The following XCR1 variants were observed in gnomAD, a reference collection of about 807,000 sequenced individuals.
The protein encoded by XCR1 is chemokine XC receptor 1.
For missense variants in XCR1, 356 were observed against 424.2 expected (o/e 0.84, Z 1.41); for synonymous variants, 187 against 188.5 (o/e 0.99, Z 0.06).
At chr3:46,047,188 C>T (rs1329294082) in intron 5 of XCR1, among the ~76,000 whole-genome samples, 1 of 152,200 alleles carries the variant, frequency 6.6e-6, no homozygotes, top group African/African-American at 2.4e-5. Flanking sequence ...GACATCACAA[C>T]AGAAGTTATT....
chr3:46,073,331 A>T (rs1698193858), intron 3 of XCR1, among the ~76,000 whole-genome samples: 1 of 152,218 alleles, frequency 6.6e-6, no homozygotes, highest in Non-Finnish European at 1.5e-5. Flanking sequence ...GCAGTGGTTC[A>T]CATCTATAAT....
chr3:46,024,811 C>T (rs557826985), intron 1 of XCR1, among the ~76,000 whole-genome samples: 1 of 151,988 alleles, frequency 6.6e-6, no homozygotes, highest in African/African-American at 2.4e-5. Context: ...TTTGAAAATA[C>T]CAAGGAGGAA....
chr3:46,072,085 T>C (rs1056456927), intron 3 of XCR1, among the ~76,000 whole-genome samples: 1 of 152,196 alleles, frequency 6.6e-6, no homozygotes, highest in Non-Finnish European at 1.5e-5. Flanking sequence ...ATTTAATAAA[T>C]GAATTCAGTA....
At chr3:46,032,967 AATTGG>A (rs1279783403) in intron 5 of XCR1, among the ~76,000 whole-genome samples, 1 of 152,096 alleles carries the variant, frequency 6.6e-6, no homozygotes, top group Non-Finnish European at 1.5e-5. Flanking sequence ...CCATTTTCTA[AATTGG>A]ATTGTTTTCT....
intron 3 of XCR1, among the ~76,000 whole-genome samples, chr3:46,067,481 T>TTGG (rs1447129179): frequency 1.7e-4 from 26 of 152,126 alleles, no homozygotes; most frequent in Admixed American, 1.7e-3. Flanking sequence ...TTGGGCTAAA[T>TTGG]TGGGTTCCAT....
Position 46,020,897 on chromosome 3 carries a change from A to G in XCR1, c.*49T>C, listed in dbSNP as rs115932896. 6,148 of 1,577,114 alleles carry G rather than the reference A, an allele frequency of 3.9e-3. 186 individuals carry two copies. In the African/African-American group the frequency reaches 0.068, roughly 18 times the overall value. On this transcript the variant is annotated 3_prime_UTR_variant, in exon 2 of 2. Transcript: ENST00000309285. ...CCAGGCCCGCTTCTCCATGACCCCC[A>G]TTCCAGTCCCTGTCCACCTGCACCT...
At chr3:46,048,860 T>G (rs936255503) in intron 5 of XCR1, among the ~76,000 whole-genome samples, 1 of 152,174 alleles carries the variant, frequency 6.6e-6, no homozygotes, top group African/African-American at 2.4e-5. Context: ...TATACCCACT[T>G]TTTGTCTTTT....
At chr3:46,063,472 G>A (rs1698005027) in intron 4 of XCR1, among the ~76,000 whole-genome samples, 1 of 152,158 alleles carries the variant, frequency 6.6e-6, no homozygotes, top group Admixed American at 6.5e-5. Flanking sequence ...CGACCCCTGA[G>A]TTCCCCTGTC....
At chr3:46,062,718 T>C (rs1697987107) in intron 4 of XCR1, among the ~76,000 whole-genome samples, 1 of 152,212 alleles carries the variant, frequency 6.6e-6, no homozygotes, top group Non-Finnish European at 1.5e-5. Flanking sequence ...TTCTCAAGCC[T>C]AACATGGGCC....
chr3:46,022,012 G>A, intron 1 of XCR1, 34 bp from the exon 2 acceptor site: 2 of 1,534,254 alleles, frequency 1.3e-6, no homozygotes, highest in Non-Finnish European at 1.8e-6. Context: ...TTAAAGCCAT[G>A]TGGTGGCTGG....
At chr3:46,024,214 CAAAA>C (rs35174940) in intron 1 of XCR1, 525 of 197,740 alleles carry the variant, frequency 2.7e-3, no homozygotes, top group African/African-American at 6.2e-3. Flanking sequence ...GTTAATCCAG[CAAAA>C]AAAAAAAAAA....
chr3:46,076,097 T>G (rs1056079215), intron 2 of XCR1, among the ~76,000 whole-genome samples: 1 of 152,190 alleles, frequency 6.6e-6, no homozygotes, highest in Non-Finnish European at 1.5e-5. Flanking sequence ...GCCACCAAGA[T>G]TTTTTAACAG....
chr3:46,021,510 C>T lies in XCR1; in HGVS notation c.438G>A (p.Arg146=). 1 of 1,612,760 alleles carries T rather than the reference C, an allele frequency of 6.2e-7. No individual in the cohort carries two copies. Among genetic ancestry groups the T allele is most frequent in the Non-Finnish European group, 8.5e-7 (1 of 1,179,354 alleles). ...CCCACACAGCCATGGTCACCAGCAC[C>T]CGGCAGCGGAGGGTGGGGACGCGCA... ...STLRVPTLRC[R]VLVTMAVWVA... The change falls in exon 2 of 2, where the codon CGG becomes CGA. Residue 146 remains arginine (R), a synonymous_variant. Transcript: ENST00000309285. This position sits in a 1 kb window ranked among gnomAD's most constrained non-coding sequence, Gnocchi z 4.7.
chr3:46,037,332 A>G (rs1056210163), intron 5 of XCR1, among the ~76,000 whole-genome samples: 2 of 152,110 alleles, frequency 1.3e-5, no homozygotes, highest in African/African-American at 4.8e-5. Context: ...TAAATAGGGG[A>G]GAGAGATATG....
intron 5 of XCR1, among the ~76,000 whole-genome samples, chr3:46,050,589 G>A (rs1200039500): frequency 6.6e-6 from 1 of 152,176 alleles, no homozygotes; most frequent in Non-Finnish European, 1.5e-5. Context: ...GATATACGCA[G>A]TGGGAAACAT....
intron 1 of XCR1, among the ~76,000 whole-genome samples, chr3:46,082,488 T>C (rs868690560): frequency 3.1e-4 from 47 of 149,936 alleles, no homozygotes; most frequent in Middle Eastern, 6.8e-3. Flanking sequence ...TTTTTTTTTT[T>C]TTTTTTTTTT....
At chr3:46,057,886 AT>A (rs1697880846) in intron 4 of XCR1, among the ~76,000 whole-genome samples, 1 of 48,162 alleles carries the variant, frequency 2.1e-5, no homozygotes, top group East Asian at 6.8e-4. Context: ...CTGTCTGTCT[AT>A]CTATCTATCT....
intron 1 of XCR1, among the ~76,000 whole-genome samples, chr3:46,084,333 C>T (rs1698432765): frequency 6.6e-6 from 1 of 152,164 alleles, no homozygotes; most frequent in Non-Finnish European, 1.5e-5. Flanking sequence ...CAAAAGGAAA[C>T]TTTTAATCAT....
upstream of XCR1, among the ~76,000 whole-genome samples, chr3:46,028,079 A>G (rs1385837662): frequency 3.9e-5 from 6 of 152,292 alleles, no homozygotes; most frequent in Admixed American, 1.3e-4. Flanking sequence ...CCTGTGACTC[A>G]GACTTTTAGC....
Sources: allele counts gnomAD v4.1 joint callset (sites outside exome capture counted in the v4.1 genomes callset), GRCh38; gene constraint gnomAD v4.1.1; non-coding constraint Gnocchi (gnomAD v3.1); transcripts MANE v1.5; gene names NCBI Gene and HGNC (gene_info 2026-07-23, HGNC 2026-07-21).